The following KRT12 variants were observed in gnomAD, a reference collection of about 807,000 sequenced individuals.
KRT12 encodes the protein keratin, type I cytoskeletal 12.
A neutral mutation model predicts 50.2 loss-of-function variants in KRT12; 43 were observed. The observed-to-expected ratio is 0.86, with a 90% CI of 0.67 to 1.11. The LOEUF (loss-of-function observed/expected upper bound fraction) is 1.11, where lower values mean the gene tolerates loss of function less well. Among genes scored for constraint, KRT12 ranks in the 50% least tolerant of loss-of-function variants. The probability of loss-of-function intolerance (pLI) is 0.00; values close to 1 mark genes in which losing one functional copy is unlikely to be tolerated. For synonymous variants in KRT12, 257 were observed against 253.6 expected (o/e 1.01, Z -0.13); for missense variants, 588 against 625.6 (o/e 0.94, Z 0.64).
rs1314950439 is a variant in KRT12 at position 40,863,582 on chromosome 17, G to A, written c.998C>T (p.Thr333Ile). The A allele has an allele frequency of 6.2e-7, 1 of 1,614,214 alleles. No individual in the cohort carries two copies. The change falls in exon 5 of 8, where the codon ACC becomes ATC. Residue 333 changes from threonine (T) to isoleucine (I), a missense_variant. Physicochemically the swap from Thr to Ile is moderately conservative, Grantham distance 89. Transcript: ENST00000251643. The surrounding 1 kb of genome is among the most constrained non-coding windows in gnomAD (Gnocchi z 4.2). ...GCTGGACTGAAGCTGCTCGGTGTTGGTGCTAATCTCCTTACGGAGCTCCCC... is the reference window on the plus strand; with the variant it reads ...GCTGGACTGAAGCTGCTCGGTGTTGATGCTAATCTCCTTACGGAGCTCCCC... ...KSGELRKEIS[T>I]NTEQLQSSKS...
chr17:40,863,056 C>T lies in KRT12; in HGVS notation c.1316+67G>A. The T allele has an allele frequency of 7.4e-7, 1 of 1,351,044 alleles. No individual in the cohort carries two copies. Among genetic ancestry groups the T allele is most frequent in the Non-Finnish European group, 1.1e-6 (1 of 942,620 alleles). The allele number at this position is 1,351,044 out of a possible 1,614,324, so 83.7% of individuals were successfully genotyped here. On this transcript the variant is annotated intron_variant, in intron 6 of 7. Coordinates refer to ENST00000251643, the MANE Select transcript of KRT12 (RefSeq NM_000223.4). The surrounding 1 kb of genome is among the most constrained non-coding windows in gnomAD (Gnocchi z 4.2). ...TTTTCTGTCAACTAAAACCCCATTC[C>T]TTCTATTTCTGCTGCCCACTCTTGG...
Position 40,867,050 on chromosome 17 carries a change from G to A in KRT12, c.137C>T (p.Ala46Val). The change falls in exon 1 of 8, where the codon GCC becomes GTC. Residue 46 changes from alanine (A) to valine (V), a missense_variant. Physicochemically the swap from Ala to Val is moderately conservative, Grantham distance 64 (BLOSUM62 0). Transcript: ENST00000251643. ...SSVGSGYGGSAFGFGASCGGG... is the reference protein window; with the variant it reads ...SSVGSGYGGSVFGFGASCGGG... ...CCCACAGCTGGCTCCAAAGCCAAAG[G>A]CACTTCCCCCATAACCACTTCCAAC... 4 of 1,608,628 alleles carry A rather than the reference G, an allele frequency of 2.5e-6. No homozygotes were observed. Among genetic ancestry groups the A allele is most frequent in the Admixed American group, 1.7e-5 (1 of 59,456 alleles).
chr17:40,865,575 T>C (rs1367794415), intron 2 of KRT12, among the ~76,000 whole-genome samples: 1 of 152,202 alleles, frequency 6.6e-6, no homozygotes, highest in Admixed American at 6.5e-5. Context: ...CAATGGTTGA[T>C]ACATTGAAAA....
chr17:40,865,636 T>A (rs1906989737), intron 2 of KRT12, among the ~76,000 whole-genome samples: 1 of 152,048 alleles, frequency 6.6e-6, no homozygotes, highest in Non-Finnish European at 1.5e-5. Flanking sequence ...GAGACCAGCC[T>A]GGCCAAGATA....
chr17:40,861,878 T>A, intron 7 of KRT12, 120 bp from the exon 8 acceptor site: 1 of 727,798 alleles, frequency 1.4e-6, no homozygotes, highest in South Asian at 1.6e-5. Flanking sequence ...CTAATTAAAC[T>A]TTCAAAAGTA....
At chr17:40,862,526 T>C (rs775593098) in intron 7 of KRT12, 39 bp downstream of exon 7, 1 of 1,407,122 alleles carries the variant, frequency 7.1e-7, no homozygotes, top group South Asian at 1.2e-5. Context: ...ATAAATGTGA[T>C]TCCGACTTAT....
At position 40,864,787 on chromosome 17, in the gene KRT12, G is replaced by A; in HGVS notation, c.807+19C>T. 2 of 1,613,386 alleles carry A rather than the reference G, an allele frequency of 1.2e-6. No homozygotes were observed. Among genetic ancestry groups the A allele is most frequent in the Non-Finnish European group, 1.7e-6 (2 of 1,179,644 alleles). ...AGAAAAAAAAAAGTAGCTGAGTGAG[G>A]CTGCCCTGTCTGACTCACATCCTCG... On this transcript the variant is annotated intron_variant, in intron 3 of 7. Transcript: ENST00000251643.
At chr17:40,862,913 T>TTCTTTGC (rs1366559741) in intron 6 of KRT12, among the ~76,000 whole-genome samples, 45 of 152,378 alleles carry the variant, frequency 3.0e-4, no homozygotes, top group African/African-American at 9.4e-4. Context: ...GGTGCCTTTG[T>TTCTTTGC]TCTTTGCAGC....
intron 7 of KRT12, 21 bp downstream of exon 7, chr17:40,862,544 G>C (rs1260614240): frequency 1.3e-6 from 2 of 1,564,078 alleles, no homozygotes; most frequent in Non-Finnish European, 1.8e-6. Flanking sequence ...TATTCTAAGT[G>C]ATTCTAGGGT....
chr17:40,861,559 T>C lies in KRT12; in HGVS notation c.*102A>G. The C allele has an allele frequency of 1.3e-6, 1 of 781,166 alleles. No individual in the cohort carries two copies. Among genetic ancestry groups the C allele is most frequent in the Non-Finnish European group, 2.3e-6 (1 of 437,568 alleles). 48.4% of individuals were successfully genotyped at this position (781,166 alleles called of 1,614,324 possible). ...CCAAAGAAAATGGAACAGACAAAAA[T>C]AGGGATTGAAGTAATACAGCATGTT... On this transcript the variant is annotated 3_prime_UTR_variant, in exon 8 of 8. Coordinates refer to ENST00000251643, the MANE Select transcript of KRT12 (RefSeq NM_000223.4).
At position 40,863,256 on chromosome 17, in the gene KRT12, C is replaced by T. The variant is rs1388280929; in HGVS notation, c.1183G>A (p.Glu395Lys). The T allele has an allele frequency of 6.2e-7, 1 of 1,614,022 alleles. No individual in the cohort carries two copies. Among genetic ancestry groups the T allele is most frequent in the Non-Finnish European group, 8.5e-7 (1 of 1,180,010 alleles). ...SQVQQLISNLEAQLLQVRADA... is the reference protein window; with the variant it reads ...SQVQQLISNLKAQLLQVRADA... ...GCGCGCACCTGGAGCAGCTGTGCCTCCAGGTTGCTGATGAGCTGCTGCACC... is the reference window on the plus strand; with the variant it reads ...GCGCGCACCTGGAGCAGCTGTGCCTTCAGGTTGCTGATGAGCTGCTGCACC... The change falls in exon 6 of 8, where the codon GAG becomes AAG. Residue 395 changes from glutamate (E) to lysine (K), a missense_variant. Physicochemically the swap from Glu to Lys is moderately conservative, Grantham distance 56. Coordinates refer to ENST00000251643, the MANE Select transcript of KRT12 (RefSeq NM_000223.4). The surrounding 1 kb of genome is among the most constrained non-coding windows in gnomAD (Gnocchi z 4.2).
Position 40,867,150 on chromosome 17 carries a change from G to T in KRT12, c.37C>A (p.Arg13Ser), listed in dbSNP as rs745817473. 3 of 1,609,712 alleles carry T rather than the reference G, an allele frequency of 1.9e-6. No homozygotes were observed. Among genetic ancestry groups the T allele is most frequent in the African/African-American group, 1.3e-5 (1 of 74,930 alleles). ...AGCCGCCGGGACAGTCCGGGGGTGC[G>T]CACTGAGAGTGACATGGTGTTGTTG... ...LSNNTMSLSV[R>S]TPGLSRRLSS... Residue 13 changes from arginine to serine, a missense_variant, in exon 1 of 8, where the codon CGC (arginine) becomes AGC (serine). Coordinates refer to ENST00000251643, the MANE Select transcript of KRT12 (RefSeq NM_000223.4).
Position 40,867,029 on chromosome 17 carries a change from C to T in KRT12, c.158G>A (p.Cys53Tyr). 1 of 1,602,066 alleles carries T rather than the reference C, an allele frequency of 6.2e-7. No homozygotes were observed. Among genetic ancestry groups the T allele is most frequent in the South Asian group, 1.1e-5 (1 of 89,230 alleles). ...GGAAGCAGCAGAAAAGCCTCCCCCA[C>T]AGCTGGCTCCAAAGCCAAAGGCACT... Reference protein sequence around the residue: ...GGSAFGFGASCGGGFSAASMF... With the variant: ...GGSAFGFGASYGGGFSAASMF... The change falls in exon 1 of 8, where the codon TGT becomes TAT. Residue 53 changes from cysteine to tyrosine, a missense_variant. By Grantham distance (194) the Cys-to-Tyr change is radical. Coordinates refer to ENST00000251643, the MANE Select transcript of KRT12 (RefSeq NM_000223.4).
intron 2 of KRT12, 120 bp from the exon 3 acceptor site, chr17:40,865,082 G>A (rs1429354214): frequency 1.9e-6 from 2 of 1,064,280 alleles, no homozygotes; most frequent in African/African-American, 1.6e-5. Flanking sequence ...CAGCATTGTA[G>A]TGTATGATGC....
Position 40,861,724 on chromosome 17 carries a change from C to A in KRT12, c.1422G>T (p.Val474=). The A allele has an allele frequency of 6.2e-7, 1 of 1,613,894 alleles. No homozygotes were observed. The highest frequency in any genetic ancestry group is 8.5e-7 in the Non-Finnish European group (1 of 1,179,782). The change falls in exon 8 of 8, where the codon GTG becomes GTT. Residue 474 remains valine, a synonymous_variant. Coordinates refer to ENST00000251643, the MANE Select transcript of KRT12 (RefSeq NM_000223.4). ...CCACCTCACCATTCACCATCTCCTG[C>A]ACAACTGTCTTGATTTTTCGGGTTT... ...PTKTRKIKTV[V]QEMVNGEVVS...
intron 7 of KRT12, 117 bp from the exon 8 acceptor site, chr17:40,861,875 A>G (rs1906815816): frequency 1.4e-6 from 1 of 733,734 alleles, no homozygotes; most frequent in South Asian, 1.6e-5. Flanking sequence ...CATCTAATTA[A>G]ACTTTCAAAA....
At chr17:40,866,590 T>A (rs759317505) in intron 1 of KRT12, 30 bp downstream of exon 1, 12 of 1,576,432 alleles carry the variant, frequency 7.6e-6, no homozygotes, top group Non-Finnish European at 1.7e-6. Context: ...AAAAAAAAAA[T>A]TCCCAAAGCG....
At position 40,867,090 on chromosome 17, in the gene KRT12, T is replaced by G. The variant is rs768771627; in HGVS notation, c.97A>C (p.Met33Leu). The change falls in exon 1 of 8, where the codon ATG (methionine) becomes CTG (leucine). Residue 33 changes from methionine to leucine, a missense_variant. Coordinates refer to ENST00000251643, the MANE Select transcript of KRT12 (RefSeq NM_000223.4). Reference protein sequence around the residue: ...SQSVIGRPRGMSASSVGSGYG... With the variant: ...SQSVIGRPRGLSASSVGSGYG... ...CCACTTCCAACACTGGAAGCAGACA[T>G]GCCCCTGGGTCTGCCTATCACACTC... 8 of 1,613,626 alleles carry G rather than the reference T, an allele frequency of 5.0e-6. No individual in the cohort carries two copies. Among genetic ancestry groups the G allele is most frequent in the African/African-American group, 1.3e-5 (1 of 74,888 alleles).
chr17:40,862,638 G>T lies in KRT12; in HGVS notation c.1317-3C>A. 1 of 1,608,984 alleles carries T rather than the reference G, an allele frequency of 6.2e-7. No homozygotes were observed. The highest frequency in any genetic ancestry group is 8.5e-7 in the Non-Finnish European group (1 of 1,175,382). ...ATAAACTTTCCTCCAAACCATCACT[G>T]TAAGAAAACAAAGGAGATGACCTCA... On this transcript the variant is annotated splice_polypyrimidine_tract_variant and splice_region_variant and intron_variant, in intron 6 of 7. Coordinates refer to ENST00000251643, the MANE Select transcript of KRT12 (RefSeq NM_000223.4).
Sources: gnomAD v4.1 joint callset for allele counts (sites outside exome capture counted in the v4.1 genomes callset) on GRCh38, gnomAD v4.1.1 for gene constraint, Gnocchi (gnomAD v3.1) non-coding constraint, MANE v1.5 for transcripts, NCBI Gene and HGNC (gene_info 2026-07-23, HGNC 2026-07-21) for gene names.